ST7: variants seen among roughly 807,000 people sequenced by gnomAD.
The protein encoded by ST7 is suppression of tumorigenicity 7.
ST7 carries 28 observed loss-of-function variants against 78.7 expected under a neutral mutation model. That is an observed-to-expected ratio of 0.36 (90% confidence interval 0.26 to 0.49). The LOEUF is 0.49. Ranked by LOEUF, ST7 falls within the 20% of genes least tolerant of loss-of-function variation. The probability of loss-of-function intolerance (pLI) is 0.99; values close to 1 mark genes in which losing one functional copy is unlikely to be tolerated. For missense variants in ST7, 418 were observed against 696.0 expected (o/e 0.60, Z 4.49); for synonymous variants, 247 against 249.6 (o/e 0.99, Z 0.10).
At chr7:117,197,095 C>T (rs1362646437) in intron 12 of ST7, among the ~76,000 whole-genome samples, 1 of 152,142 alleles carries the variant, frequency 6.6e-6, no homozygotes, top group East Asian at 1.9e-4. Context: ...AGTGCAATGA[C>T]ACAATCATAG....
In ST7 at chr7:117,219,628, A is replaced by G. The variant is rs1322930451; in HGVS notation, c.1498+452A>G. On this transcript the variant is annotated intron_variant, in intron 14 of 15. Transcript: ENST00000323984. The surrounding 1 kb of genome is among the most constrained non-coding windows in gnomAD (Gnocchi z 5.1). ...GCACCAGGAAGCTGGCACCATGGCC[A>G]GATGTGGAGTTGTGGGGCAGGGCAG... 6.6e-6 allele frequency among the ~76,000 whole-genome samples: 1 copy of G among 152,222 alleles called. No individual in the cohort carries two copies. Among genetic ancestry groups the G allele is most frequent in the East Asian group, 1.9e-4 (1 of 5,194 alleles).
intron 9 of ST7, among the ~76,000 whole-genome samples, chr7:117,149,217 A>T (rs148498524): frequency 1.9e-3 from 285 of 152,230 alleles, no homozygotes; most frequent in African/African-American, 6.6e-3. Flanking sequence ...GGGACCTCCC[A>T]CTGAGCCATT....
At chr7:117,125,895 A>G (rs914640927) in intron 3 of ST7, among the ~76,000 whole-genome samples, 1 of 152,078 alleles carries the variant, frequency 6.6e-6, no homozygotes, top group African/African-American at 2.4e-5. Context: ...GGTTTGTTGC[A>G]TGTAATGGAT....
At chr7:117,192,541 AATT>A (rs985627065) in intron 12 of ST7, among the ~76,000 whole-genome samples, 2 of 152,162 alleles carry the variant, frequency 1.3e-5, no homozygotes, top group Admixed American at 1.3e-4. Context: ...TTTATTTGTA[AATT>A]ATTAAGATTT....
rs143311664 is a variant in ST7, at chr7:117,130,779, A to G, written c.565+173A>G. On this transcript the variant is annotated intron_variant, in intron 5 of 15. Coordinates refer to ENST00000323984, the MANE Select transcript of ST7 (RefSeq NM_001369598.1). The stretch of plus-strand genomic sequence containing the variant: ...ATTAAGTAAACCTTTATCACAATGA[A>G]GTATTTATGTTGAAATGAGTCCCCT... The G allele has an allele frequency of 4.0e-4, 194 of 482,994 alleles. 1 individual carries two copies. Among genetic ancestry groups the G allele is most frequent in the African/African-American group, 3.6e-3 (179 of 49,440 alleles). 29.9% of individuals were successfully genotyped at this position (482,994 alleles called of 1,614,324 possible). A position where few individuals can be genotyped will look rare whatever the true frequency, so the allele number is the denominator to read the frequency against.
chr7:117,011,157 T>C (rs528562674), intron 1 of ST7, among the ~76,000 whole-genome samples: 62 of 151,884 alleles, frequency 4.1e-4, no homozygotes, highest in African/African-American at 1.4e-3. Flanking sequence ...TGTGTGTTAA[T>C]GTGTGTGTGT....
chr7:116,979,488 C>T (rs1407426618), intron 1 of ST7, among the ~76,000 whole-genome samples: 1 of 152,174 alleles, frequency 6.6e-6, no homozygotes, highest in Non-Finnish European at 1.5e-5. Context: ...TTCACTAAGG[C>T]ATAGGTTACT....
At chr7:117,103,243 GA>G (rs199789092) in intron 2 of ST7, among the ~76,000 whole-genome samples, 4 of 151,280 alleles carry the variant, frequency 2.6e-5, no homozygotes, top group African/African-American at 4.9e-5. Flanking sequence ...TACAGAAATA[GA>G]AAAAAAAATC....
chr7:117,066,887 C>T (rs1176088158), intron 1 of ST7, among the ~76,000 whole-genome samples: 1 of 151,916 alleles, frequency 6.6e-6, no homozygotes, highest in Non-Finnish European at 1.5e-5. Flanking sequence ...GACTCTATAC[C>T]CATTAGCAGT....
intron 12 of ST7, among the ~76,000 whole-genome samples, chr7:117,206,611 C>T (rs866167647): frequency 2.0e-5 from 3 of 152,224 alleles, no homozygotes; most frequent in Admixed American, 1.3e-4. Context: ...GTAAGCCATC[C>T]GTCTCACACA....
chr7:117,079,334 T>C (rs934948247), intron 1 of ST7, among the ~76,000 whole-genome samples: 1 of 152,156 alleles, frequency 6.6e-6, no homozygotes, highest in African/African-American at 2.4e-5. Flanking sequence ...GTCCACAGGG[T>C]GAGGGGATTC....
At chr7:116,970,224 A>T (rs1016230673) in intron 1 of ST7, among the ~76,000 whole-genome samples, 1 of 152,196 alleles carries the variant, frequency 6.6e-6, no homozygotes, top group Non-Finnish European at 1.5e-5. Context: ...GATTAGTGGT[A>T]CATATTTTGC....
intron 1 of ST7, chr7:116,956,741 G>C (rs1562975431): frequency 4.6e-6 from 2 of 437,216 alleles, no homozygotes; most frequent in South Asian, 3.4e-5. Flanking sequence ...AGCTTAACTC[G>C]ATTTTTTTTT....
chr7:116,956,525 C>T (rs1446051044), intron 1 of ST7: 1 of 471,188 alleles, frequency 2.1e-6, no homozygotes, highest in Non-Finnish European at 4.4e-6. Context: ...GCAGGCCTCC[C>T]TTCCTCCTCA....
intron 1 of ST7, among the ~76,000 whole-genome samples, chr7:117,059,032 G>T (rs1168979356): frequency 1.3e-5 from 2 of 152,140 alleles, no homozygotes; most frequent in Non-Finnish European, 2.9e-5. Flanking sequence ...TAGAAGGATG[G>T]TTACCAGAGA....
rs1179413340 is a variant in ST7, at chr7:117,127,132, T to C, written c.395-2661T>C. On this transcript the variant is annotated intron_variant, in intron 3 of 15. Transcript: ENST00000323984. The stretch of plus-strand genomic sequence containing the variant: ...ATCTTGAGGGCATTAAAATTGTTGA[T>C]GTTAATGGAGAATGGAAAATTCCTT... Among the ~76,000 whole-genome samples, 33 of 151,936 alleles carry C rather than the reference T, an allele frequency of 2.2e-4. 1 individual carries two copies. The highest frequency in any genetic ancestry group is 4.1e-4 in the Non-Finnish European group (28 of 67,884).
chr7:117,197,817 A>G (rs894722379), intron 12 of ST7, among the ~76,000 whole-genome samples: 9 of 152,300 alleles, frequency 5.9e-5, no homozygotes, highest in Admixed American at 4.6e-4. Flanking sequence ...GAAAGGGTTC[A>G]TCACGCCTGT....
intron 1 of ST7, among the ~76,000 whole-genome samples, chr7:116,985,415 C>G (rs902391367): frequency 1.3e-5 from 2 of 152,150 alleles, no homozygotes; most frequent in Non-Finnish European, 2.9e-5. Flanking sequence ...TCAATATGAA[C>G]AGAAAAGCTT....
At chr7:117,088,451 T>C (rs979369413) in intron 1 of ST7, among the ~76,000 whole-genome samples, 5 of 152,242 alleles carry the variant, frequency 3.3e-5, no homozygotes, top group Non-Finnish European at 7.3e-5. Flanking sequence ...ATAGATGTTA[T>C]TCCGTTATAC....
Sources: gnomAD v4.1 joint callset for allele counts (sites outside exome capture counted in the v4.1 genomes callset) on GRCh38, gnomAD v4.1.1 for gene constraint, Gnocchi (gnomAD v3.1) non-coding constraint, MANE v1.5 for transcripts, NCBI Gene and HGNC (gene_info 2026-07-23, HGNC 2026-07-21) for gene names.